RNF38: variants seen among roughly 807,000 people sequenced by gnomAD.
The protein encoded by RNF38 is ring finger protein 38, also known as E3 ubiquitin-protein ligase RNF38.
Under a neutral mutation model 67.2 loss-of-function variants are expected in RNF38, and 15 were observed. The ratio of observed to expected loss-of-function variants is 0.22; its 90% CI spans 0.15 to 0.34. The LOEUF (loss-of-function observed/expected upper bound fraction) is 0.34. RNF38 is among the 10% of genes least tolerant of loss of function. The pLI, the probability that RNF38 is intolerant of heterozygous loss-of-function variation, is 1.00. For missense variants in RNF38, 524 were observed against 639.9 expected (o/e 0.82, Z 1.95); for synonymous variants, 220 against 218.8 (o/e 1.01, Z -0.05).
rs547348069 is a variant in RNF38, at chr9:36,387,821, G to A, written c.162+2646C>T. On this transcript the variant is annotated intron_variant, in intron 2 of 11. Transcript: ENST00000259605. ...TTAAAATACCAACCAAATGTGCACC[G>A]GGAAGCACATACAAAATATTACTGG... Among the ~76,000 whole-genome samples the A allele has an allele frequency of 1.1e-4, 16 of 151,712 alleles. 1 individual carries two copies. Among genetic ancestry groups the A allele is most frequent in the East Asian group, 9.7e-4 (5 of 5,180 alleles).
chr9:36,444,736 G>C (rs1248351099), intron 1 of RNF38, among the ~76,000 whole-genome samples: 1 of 152,056 alleles, frequency 6.6e-6, no homozygotes, highest in South Asian at 2.1e-4. Context: ...GCAGGCAGAG[G>C]TTGCAGTGAG....
chr9:36,388,837 A>C (rs1488598035), intron 2 of RNF38, among the ~76,000 whole-genome samples: 2 of 152,222 alleles, frequency 1.3e-5, no homozygotes, highest in African/African-American at 2.4e-5. Context: ...AGCCAATAAG[A>C]AAGCATAACA....
At chr9:36,435,077 G>A (rs370491287) in intron 1 of RNF38, among the ~76,000 whole-genome samples, 21 of 152,286 alleles carry the variant, frequency 1.4e-4, no homozygotes, top group African/African-American at 4.3e-4. Flanking sequence ...GTGTGGAACA[G>A]CACAGTGGGC....
In RNF38 at chr9:36,375,813, T is replaced by TA. The variant is rs1323648186; in HGVS notation, c.356+120dup. On this transcript the variant is annotated intron_variant, in intron 3 of 11. Transcript: ENST00000259605. The stretch of plus-strand genomic sequence containing the variant: ...CAACTTTCTTTTTCGTGAGTGAATG[T>TA]ACGTGTATATGTGGTGATGTGTTTA... The TA allele has an allele frequency of 3.6e-6, 3 of 834,832 alleles. No homozygotes were observed. In the African/African-American group the frequency reaches 5.4e-5, roughly 15 times the overall value. 51.7% of individuals were successfully genotyped at this position (834,832 alleles called of 1,614,324 possible). A position where few individuals can be genotyped will look rare whatever the true frequency, so the allele number is the denominator to read the frequency against.
chr9:36,452,153 G>A (rs1176150653), intron 1 of RNF38, among the ~76,000 whole-genome samples: 1 of 152,068 alleles, frequency 6.6e-6, no homozygotes, highest in African/African-American at 2.4e-5. Flanking sequence ...AGCACCCAAG[G>A]AGTTGAAGAG....
intron 1 of RNF38, among the ~76,000 whole-genome samples, chr9:36,471,526 G>A (rs1839997691): frequency 6.6e-6 from 1 of 152,074 alleles, no homozygotes; most frequent in Non-Finnish European, 1.5e-5. Flanking sequence ...AGAATAACTT[G>A]TCAAAATCAC....
intron 1 of RNF38, among the ~76,000 whole-genome samples, chr9:36,441,828 C>G (rs1020620191): frequency 2.0e-5 from 3 of 152,120 alleles, no homozygotes; most frequent in Non-Finnish European, 2.9e-5. Flanking sequence ...GGGAATTGAC[C>G]TTCTGTTCAA....
chr9:36,435,647 G>T (rs1189170408), intron 1 of RNF38, among the ~76,000 whole-genome samples: 11 of 148,786 alleles, frequency 7.4e-5, no homozygotes, highest in Non-Finnish European at 1.2e-4. Context: ...TTGAGATGGA[G>T]TCTCGCTCTG....
At chr9:36,458,414 T>C (rs1839643439) in intron 1 of RNF38, among the ~76,000 whole-genome samples, 1 of 152,184 alleles carries the variant, frequency 6.6e-6, no homozygotes, top group South Asian at 2.1e-4. Context: ...GAAAGCTTTG[T>C]TCTTTTGCTC....
chr9:36,377,220 C>T (rs900163317), intron 2 of RNF38, among the ~76,000 whole-genome samples: 2 of 152,150 alleles, frequency 1.3e-5, no homozygotes, highest in African/African-American at 4.8e-5. Context: ...TGTGTGTTTT[C>T]TAATAGAACG....
intron 1 of RNF38, among the ~76,000 whole-genome samples, chr9:36,440,697 A>C (rs1055516102): frequency 3.3e-5 from 5 of 152,242 alleles, no homozygotes; most frequent in South Asian, 2.1e-4. Flanking sequence ...CACAGTAATT[A>C]TCCTTGAAAA....
chr9:36,373,083 T>C (rs1835506460), intron 3 of RNF38, among the ~76,000 whole-genome samples: 1 of 151,878 alleles, frequency 6.6e-6, no homozygotes, highest in African/African-American at 2.4e-5. Context: ...GGCAGGCACC[T>C]GTAATCCCAG....
intron 3 of RNF38, chr9:36,372,523 T>C (rs865799415): frequency 2.8e-6 from 2 of 715,164 alleles, no homozygotes; most frequent in African/African-American, 3.5e-5. Flanking sequence ...TGCTAGATTA[T>C]TGTTAAAAAC....
At chr9:36,396,766 ATAACT>A (rs1228120805) in intron 1 of RNF38, among the ~76,000 whole-genome samples, 4 of 151,598 alleles carry the variant, frequency 2.6e-5, no homozygotes, top group South Asian at 2.1e-4. Flanking sequence ...TATATAAAAC[ATAACT>A]TAATAAAGCT....
At chr9:36,392,431 A>G (rs1186615364) in intron 1 of RNF38, among the ~76,000 whole-genome samples, 1 of 152,184 alleles carries the variant, frequency 6.6e-6, no homozygotes, top group Non-Finnish European at 1.5e-5. Flanking sequence ...ACAAGCCAAG[A>G]ATTACATTAG....
chr9:36,379,710 C>G (rs781465279), intron 2 of RNF38, among the ~76,000 whole-genome samples: 1 of 152,224 alleles, frequency 6.6e-6, no homozygotes, highest in Admixed American at 6.5e-5. Flanking sequence ...TGTGGAAATT[C>G]ATCATTCCAC....
chr9:36,437,630 G>A (rs756520941), intron 1 of RNF38, among the ~76,000 whole-genome samples: 68 of 151,686 alleles, frequency 4.5e-4, no homozygotes, highest in Non-Finnish European at 7.6e-4. Context: ...GTGCTGGCAA[G>A]GAGGACAAAA....
intron 2 of RNF38, among the ~76,000 whole-genome samples, chr9:36,377,009 A>G (rs1034363773): frequency 6.6e-6 from 1 of 152,048 alleles, no homozygotes; most frequent in Non-Finnish European, 1.5e-5. Flanking sequence ...TTACATGATC[A>G]GTTCTTAACT....
At chr9:36,426,124 T>C (rs1838764189) in intron 1 of RNF38, among the ~76,000 whole-genome samples, 1 of 152,248 alleles carries the variant, frequency 6.6e-6, no homozygotes, top group Admixed American at 6.5e-5. Context: ...TCCAGATATG[T>C]AGAGCAGAAA....
Sources: gnomAD v4.1 joint callset for allele counts (sites outside exome capture counted in the v4.1 genomes callset) on GRCh38, gnomAD v4.1.1 for gene constraint, MANE v1.5 for transcripts, NCBI Gene and HGNC (gene_info 2026-07-23, HGNC 2026-07-21) for gene names.